CREB3L3: variants seen among roughly 807,000 people sequenced by gnomAD.
The protein encoded by CREB3L3 is cyclic AMP-responsive element-binding protein 3-like protein 3.
In CREB3L3, 40 loss-of-function variants were observed where a neutral mutation model predicts 44.6. The observed-to-expected ratio is 0.90, with a 90% CI of 0.70 to 1.17. CREB3L3 has a LOEUF of 1.17. Ranked by LOEUF, CREB3L3 falls within the 50% of genes most tolerant of loss-of-function variation. CREB3L3 has a pLI of 0.00. For synonymous variants in CREB3L3, 273 were observed against 256.3 expected (o/e 1.06, Z -0.62); for missense variants, 578 against 595.8 (o/e 0.97, Z 0.31).
At chr19:4,167,390 AAAG>A (rs1364229397) in intron 5 of CREB3L3, among the ~76,000 whole-genome samples, 1 of 150,254 alleles carries the variant, frequency 6.7e-6, no homozygotes, top group Non-Finnish European at 1.5e-5. Context: ...GAAGGAAAGA[AAAG>A]AAAGAAAGAA....
At chr19:4,165,587 C>A (rs1481351130) in intron 5 of CREB3L3, among the ~76,000 whole-genome samples, 2 of 152,024 alleles carry the variant, frequency 1.3e-5, no homozygotes, top group Non-Finnish European at 2.9e-5. Flanking sequence ...TGAGGCTGGG[C>A]ACGGTGGCTC....
intron 3 of CREB3L3, among the ~76,000 whole-genome samples, chr19:4,158,713 A>C (rs2041620334): frequency 6.6e-6 from 1 of 151,412 alleles, no homozygotes; most frequent in East Asian, 1.9e-4. Flanking sequence ...AGGCAGGAGA[A>C]TCTCTTGAAC....
intron 1 of CREB3L3, 132 bp downstream of exon 1, chr19:4,153,906 G>T (rs2041540175): frequency 1.0e-5 from 11 of 1,077,342 alleles, no homozygotes; most frequent in Non-Finnish European, 1.4e-5. Flanking sequence ...GAGAAAGGAT[G>T]CAATGAGCAA....
intron 1 of CREB3L3, among the ~76,000 whole-genome samples, 163 bp from the exon 2 acceptor site, chr19:4,154,736 T>A (rs1038412982): frequency 5.9e-5 from 9 of 151,936 alleles, no homozygotes; most frequent in African/African-American, 2.2e-4. Context: ...AGCCTCAAAG[T>A]CCAGATTTGG....
At chr19:4,167,772 C>T (rs370589684) in intron 5 of CREB3L3, among the ~76,000 whole-genome samples, 2 of 151,714 alleles carry the variant, frequency 1.3e-5, no homozygotes, top group Non-Finnish European at 2.9e-5. Flanking sequence ...CAGGCACCTC[C>T]CAGAGACTCT....
Position 4,168,296 on chromosome 19 carries a change from G to A in CREB3L3, c.715-55G>A. ...TTACAGGCGAGAGCTACTGCCCCCG[G>A]ACTCCAAGTGGGGACTTTCTGGCCT... On this transcript the variant is annotated intron_variant, in intron 5 of 9. Transcript: ENST00000078445. 5 of 1,405,394 alleles carry A rather than the reference G, an allele frequency of 3.6e-6. No homozygotes were observed. The South Asian group carries it at 5.8e-5, about 16-fold the overall frequency. 87.1% of individuals were successfully genotyped at this position (1,405,394 alleles called of 1,614,324 possible). A position where few individuals can be genotyped will look rare whatever the true frequency, so the allele number is the denominator to read the frequency against.
At chr19:4,170,235 G>C in intron 7 of CREB3L3, 27 bp downstream of exon 7, 1 of 1,611,170 alleles carries the variant, frequency 6.2e-7, no homozygotes, top group Non-Finnish European at 8.5e-7. Flanking sequence ...CTGGGGCAGA[G>C]GACAGGGGAA....
intron 4 of CREB3L3, among the ~76,000 whole-genome samples, chr19:4,160,713 G>A (rs981450918): frequency 2.0e-5 from 3 of 149,188 alleles, no homozygotes; most frequent in Non-Finnish European, 4.5e-5. Flanking sequence ...GCACCACCAG[G>A]CCTGGCTAAT....
At chr19:4,164,737 C>A in intron 5 of CREB3L3, 97 bp downstream of exon 5, 15 of 1,397,756 alleles carry the variant, frequency 1.1e-5, no homozygotes, top group Non-Finnish European at 1.4e-5. Flanking sequence ...AGAGTAGAGT[C>A]TTTCTCTGTC....
chr19:4,154,493 C>A (rs1418417938), intron 1 of CREB3L3, among the ~76,000 whole-genome samples: 1 of 152,110 alleles, frequency 6.6e-6, no homozygotes, highest in African/African-American at 2.4e-5. Context: ...CCTCAGCCTC[C>A]CCAGTAGCTG....
In CREB3L3 at chr19:4,171,627, C is replaced by A. The variant is rs1412974716; in HGVS notation, c.1073-29C>A. Reference sequence around the variant, plus strand: ...GCATAGGACCCCACCTCCACCTTGTCCCCTGTGATGCCCCCCTTCCCCAAT... The same window carrying A: ...GCATAGGACCCCACCTCCACCTTGTACCCTGTGATGCCCCCCTTCCCCAAT... On this transcript the variant is annotated intron_variant, in intron 9 of 9. Coordinates refer to ENST00000078445, the MANE Select transcript of CREB3L3 (RefSeq NM_032607.3). The surrounding 1 kb of genome is among the most constrained non-coding windows in gnomAD (Gnocchi z 4.9). 6.2e-7 allele frequency: 1 copy of A among 1,611,874 alleles called. No individual in the cohort carries two copies. The highest frequency in any genetic ancestry group is 2.2e-5 in the East Asian group (1 of 44,880).
chr19:4,169,584 C>CTT (rs34259250), intron 6 of CREB3L3, among the ~76,000 whole-genome samples: 1,330 of 95,116 alleles, frequency 0.014, 117 homozygotes, highest in African/African-American at 0.048. Flanking sequence ...GGAGGCTCAG[C>CTT]TTTTTTTTTT....
Position 4,171,807 on chromosome 19 carries a change from C to T in CREB3L3, c.1224C>T (p.Thr408=), listed in dbSNP as rs201202552. The T allele has an allele frequency of 9.2e-5, 149 of 1,613,578 alleles. No homozygotes were observed. Among genetic ancestry groups the T allele is most frequent in the Non-Finnish European group, 4.0e-5 (47 of 1,179,992 alleles). The change falls in exon 10 of 10, where the codon ACC becomes ACT. Residue 408 remains threonine, a synonymous_variant. Transcript: ENST00000078445. The surrounding 1 kb of genome is among the most constrained non-coding windows in gnomAD (Gnocchi z 4.9). ...SPGADWGFQD[T]ANLTNSTEEL... The stretch of plus-strand genomic sequence containing the variant: ...GGGCAGACTGGGGCTTCCAGGACAC[C>T]GCGAACCTGACCAATTCGACGGAGG...
chr19:4,168,078 A>G (rs1320015618), intron 5 of CREB3L3, among the ~76,000 whole-genome samples: 1 of 151,036 alleles, frequency 6.6e-6, no homozygotes, highest in Non-Finnish European at 1.5e-5. Context: ...GGCTCACTGC[A>G]ACCTCCGCCT....
intron 3 of CREB3L3, among the ~76,000 whole-genome samples, chr19:4,157,656 C>T (rs2041603009): frequency 6.6e-6 from 1 of 152,086 alleles, no homozygotes; most frequent in Admixed American, 6.6e-5. Context: ...TACCCCGTGC[C>T]TGGTTCCTAG....
In CREB3L3 at chr19:4,163,328, A is replaced by AAAAG. The variant is rs141964111; in HGVS notation, c.577-1152_577-1149dup. Among the ~76,000 whole-genome samples, 1,060 of 135,790 alleles carry AAAAG rather than the reference A, an allele frequency of 7.8e-3. 17 individuals are homozygous for AAAAG. Among genetic ancestry groups the AAAAG allele is most frequent in the African/African-American group, 0.026 (946 of 36,678 alleles). The allele number at this position is 135,790 out of a possible 152,430, so 89.1% of individuals were successfully genotyped here. On this transcript the variant is annotated intron_variant, in intron 4 of 9. Coordinates refer to ENST00000078445, the MANE Select transcript of CREB3L3 (RefSeq NM_032607.3). ...TCTAAGAAAGAAAGAAAGAAGAAAG[A>AAAAG]AAAGAAAGAAAGAAAGAAAGAAAGA... is the stretch of plus-strand genomic sequence containing the variant.
rs1967060461 is a variant in CREB3L3, at chr19:4,171,933, A to G, written c.1350A>G (p.Gly450=). Residue 450 remains glycine, a synonymous_variant, in exon 10 of 10, where the codon GGA becomes GGG. Transcript: ENST00000078445. The surrounding 1 kb of genome is among the most constrained non-coding windows in gnomAD (Gnocchi z 4.9). ...WVAPGPSTGS[G]RAGLEAAGDE... is the part of the protein sequence containing the mutation. ...CGCCTGGGCCGAGCACTGGCTCAGG[A>G]CGTGCAGGGCTGGAGGCGGCGGGAG... 1 of 1,610,380 alleles carries G rather than the reference A, an allele frequency of 6.2e-7. No homozygotes were observed. Among genetic ancestry groups the G allele is most frequent in the East Asian group, 2.2e-5 (1 of 44,804 alleles).
At position 4,172,019 on chromosome 19, in the gene CREB3L3, G is replaced by C. The variant is rs1239337933; in HGVS notation, c.*50G>C. On this transcript the variant is annotated 3_prime_UTR_variant, in exon 10 of 10. Coordinates refer to ENST00000078445, the MANE Select transcript of CREB3L3 (RefSeq NM_032607.3). ...GCCCCTCTGCCCAGGGGTGCCTTGGGGATGCTGCACTGGGCAGCTACCCAC... is the reference window on the plus strand; with the variant it reads ...GCCCCTCTGCCCAGGGGTGCCTTGGCGATGCTGCACTGGGCAGCTACCCAC... 1 of 1,509,460 alleles carries C rather than the reference G, an allele frequency of 6.6e-7. No homozygotes were observed. Among genetic ancestry groups the C allele is most frequent in the Admixed American group, 2.0e-5 (1 of 49,576 alleles). 93.5% of individuals were successfully genotyped at this position (1,509,460 alleles called of 1,614,324 possible). A position where few individuals can be genotyped will look rare whatever the true frequency, so the allele number is the denominator to read the frequency against.
Position 4,154,945 on chromosome 19 carries a change from T to C in CREB3L3, c.74T>C (p.Leu25Pro). The C allele has an allele frequency of 1.2e-6, 2 of 1,613,722 alleles. No individual in the cohort carries two copies. The highest frequency in any genetic ancestry group is 8.5e-7 in the Non-Finnish European group (1 of 1,180,014). ...ATGGACCCCATCGACAGCTTTGAGC[T>C]CCTGGATCTCCTGTTTGACCGGCAG... ...CSMDPIDSFE[L>P]LDLLFDRQDG... The change falls in exon 2 of 10, where the codon CTC (leucine) becomes CCC (proline). Residue 25 changes from leucine to proline, a missense_variant. Physicochemically the swap from Leu to Pro is moderately conservative, Grantham distance 98 (BLOSUM62 -3). Transcript: ENST00000078445.
Sources: allele counts gnomAD v4.1 joint callset (sites outside exome capture counted in the v4.1 genomes callset), GRCh38; gene constraint gnomAD v4.1.1; non-coding constraint Gnocchi (gnomAD v3.1); transcripts MANE v1.5; gene names NCBI Gene and HGNC (gene_info 2026-07-23, HGNC 2026-07-21).